CNTNAP2: variants seen among roughly 807,000 people sequenced by gnomAD.
The protein encoded by CNTNAP2 is contactin-associated protein-like 2.
Under a neutral mutation model 155.2 loss-of-function variants are expected in CNTNAP2, and 98 were observed. The observed-to-expected ratio is 0.63, with a 90% confidence interval of 0.54 to 0.75. The LOEUF is 0.75. CNTNAP2 is among the 30% of genes least tolerant of loss of function. CNTNAP2 has a pLI of 0.00. For synonymous variants in CNTNAP2, 651 were observed against 631.2 expected (o/e 1.03, Z -0.47); for missense variants, 1,727 against 1,688.1 (o/e 1.02, Z -0.40).
chr7:147,302,335 A>C (rs1352783104), intron 9 of CNTNAP2, among the ~76,000 whole-genome samples: 2 of 152,208 alleles, frequency 1.3e-5, no homozygotes, highest in Non-Finnish European at 1.5e-5. Context: ...AGGGGCGAGC[A>C]CATAGCTGTA....
chr7:146,428,168 G>T lies in CNTNAP2; in HGVS notation c.97+311195G>T, dbSNP rs1796120434. The stretch of plus-strand genomic sequence containing the variant: ...TGATGGGCATTTAGGTTGATTTCAT[G>T]TCTTTGTTACTATTGTGAATAGTGC... On this transcript the variant is annotated intron_variant, in intron 1 of 23. Coordinates refer to ENST00000361727, the MANE Select transcript of CNTNAP2 (RefSeq NM_014141.6). Among the ~76,000 whole-genome samples the T allele has an allele frequency of 3.3e-5, 5 of 152,058 alleles. No homozygotes were observed. The South Asian group carries it at 1.0e-3, about 31-fold the overall frequency.
At chr7:147,339,023 A>T (rs1296401272) in intron 9 of CNTNAP2, among the ~76,000 whole-genome samples, 2 of 152,152 alleles carry the variant, frequency 1.3e-5, no homozygotes, top group African/African-American at 4.8e-5. Context: ...ATGTATTTTA[A>T]ATGCTGCCTT....
chr7:146,860,229 G>A (rs1459046928), intron 3 of CNTNAP2, among the ~76,000 whole-genome samples: 1 of 152,218 alleles, frequency 6.6e-6, no homozygotes, highest in East Asian at 1.9e-4. Context: ...TGATTATGCA[G>A]TATGTTTTTA....
At chr7:146,996,374 G>GTCTTCT (rs1456846013) in intron 3 of CNTNAP2, among the ~76,000 whole-genome samples, 1 of 151,830 alleles carries the variant, frequency 6.6e-6, no homozygotes, top group African/African-American at 2.4e-5. Flanking sequence ...TTTTATTTGT[G>GTCTTCT]TCTTCTTCAA....
rs865828725 is a variant in CNTNAP2, at chr7:146,843,157, C to T, written c.402+3253C>T. On this transcript the variant is annotated intron_variant, in intron 3 of 23. Coordinates refer to ENST00000361727, the MANE Select transcript of CNTNAP2 (RefSeq NM_014141.6). ...CCTCCCCAGTAGCTGGGACTACAGG[C>T]GCCCGCCACCGCGCCCAGCTAATTT... Among the ~76,000 whole-genome samples the T allele has an allele frequency of 8.2e-5, 11 of 134,168 alleles. 1 individual carries two copies. Among genetic ancestry groups the T allele is most frequent in the East Asian group, 2.1e-4 (1 of 4,668 alleles). 88.0% of individuals were successfully genotyped at this position (134,168 alleles called of 152,430 possible).
At chr7:146,314,055 G>A (rs545886737) in intron 1 of CNTNAP2, among the ~76,000 whole-genome samples, 23 of 152,026 alleles carry the variant, frequency 1.5e-4, no homozygotes, top group Non-Finnish European at 2.2e-4. Flanking sequence ...AGTGATATGG[G>A]GTCTGATTTC....
intron 13 of CNTNAP2, among the ~76,000 whole-genome samples, chr7:147,656,331 G>T (rs1274094384): frequency 1.3e-5 from 2 of 152,168 alleles, no homozygotes; most frequent in Non-Finnish European, 2.9e-5. Context: ...GCTGTTTGGC[G>T]CAAGAGGGTT....
At chr7:147,003,814 G>A (rs1798473386) in intron 3 of CNTNAP2, among the ~76,000 whole-genome samples, 1 of 151,916 alleles carries the variant, frequency 6.6e-6, no homozygotes, top group Non-Finnish European at 1.5e-5. Context: ...GACTGTTTGA[G>A]GCTGGGAGTT....
chr7:147,879,173 CAG>C (rs1468723830), intron 13 of CNTNAP2, among the ~76,000 whole-genome samples: 2 of 152,134 alleles, frequency 1.3e-5, no homozygotes, highest in African/African-American at 4.8e-5. Context: ...AATTGATACA[CAG>C]GGGATTTCCG....
chr7:147,874,054 G>A (rs576237731), intron 13 of CNTNAP2, among the ~76,000 whole-genome samples: 2 of 152,232 alleles, frequency 1.3e-5, no homozygotes, highest in African/African-American at 2.4e-5. Context: ...CTCTGCCTCT[G>A]TGGCTTTGCA....
chr7:146,448,740 T>A (rs549409270), intron 1 of CNTNAP2, among the ~76,000 whole-genome samples: 2 of 152,228 alleles, frequency 1.3e-5, no homozygotes, highest in Admixed American at 1.3e-4. Flanking sequence ...CGATCACACA[T>A]AATCACTGCA....
rs73742606 is a variant in CNTNAP2 at position 146,889,689 on chromosome 7, A to G, written c.402+49785A>G. 9.0e-3 allele frequency among the ~76,000 whole-genome samples: 1,373 copies of G among 152,250 alleles called. 21 individuals carry two copies. The highest frequency in any genetic ancestry group is 0.032 in the African/African-American group (1,332 of 41,544). On this transcript the variant is annotated intron_variant, in intron 3 of 23. Coordinates refer to ENST00000361727, the MANE Select transcript of CNTNAP2 (RefSeq NM_014141.6). Reference sequence around the variant, plus strand: ...TTTACATCTTCTTGTTAAAATTACAATACCTTGTTCTTCATCACTTATTCC... The same window carrying G: ...TTTACATCTTCTTGTTAAAATTACAGTACCTTGTTCTTCATCACTTATTCC...
intron 1 of CNTNAP2, among the ~76,000 whole-genome samples, chr7:146,460,973 A>G (rs1211527841): frequency 6.6e-6 from 1 of 152,200 alleles, no homozygotes; most frequent in East Asian, 1.9e-4. Context: ...ATAGATCCCA[A>G]ATGTTCTCAG....
At chr7:147,091,475 A>G (rs1416065672) in intron 4 of CNTNAP2, among the ~76,000 whole-genome samples, 1 of 152,070 alleles carries the variant, frequency 6.6e-6, no homozygotes, top group Non-Finnish European at 1.5e-5. Context: ...TTTTTGAGAC[A>G]AGAGTCTCGC....
At chr7:147,149,175 G>A (rs1473945992) in intron 8 of CNTNAP2, among the ~76,000 whole-genome samples, 1 of 152,120 alleles carries the variant, frequency 6.6e-6, no homozygotes, top group Non-Finnish European at 1.5e-5. Flanking sequence ...CCATTTTATG[G>A]AGTGCTGATT....
chr7:148,382,594 C>G (rs1799091004), intron 21 of CNTNAP2, among the ~76,000 whole-genome samples: 1 of 152,184 alleles, frequency 6.6e-6, no homozygotes, highest in Non-Finnish European at 1.5e-5. Context: ...TAGAGAGATG[C>G]TGGAGAAGAA....
At chr7:147,176,470 A>G (rs1311489296) in intron 8 of CNTNAP2, among the ~76,000 whole-genome samples, 3 of 151,542 alleles carry the variant, frequency 2.0e-5, no homozygotes, top group Non-Finnish European at 4.4e-5. Context: ...TTTTCTTCTT[A>G]AGTCAAAATA....
At chr7:146,491,238 A>G (rs555950142) in intron 1 of CNTNAP2, among the ~76,000 whole-genome samples, 126 of 152,282 alleles carry the variant, frequency 8.3e-4, no homozygotes, top group Middle Eastern at 6.8e-3. Context: ...GAATTTCATC[A>G]CAGAATGGAA....
chr7:147,244,732 G>T lies in CNTNAP2; in HGVS notation c.1349-55409G>T, dbSNP rs1275338532. Among the ~76,000 whole-genome samples, 7 of 152,160 alleles carry T rather than the reference G, an allele frequency of 4.6e-5. No homozygotes were observed. The East Asian group carries it at 1.3e-3, about 29-fold the overall frequency. On this transcript the variant is annotated intron_variant, in intron 8 of 23. Transcript: ENST00000361727. The stretch of plus-strand genomic sequence containing the variant: ...GTGAGCTAAGACCTGATTGAAGAGA[G>T]GTTGTAATTTTGTGGTGTCAGCATG...
Sources: allele counts gnomAD v4.1 joint callset (sites outside exome capture counted in the v4.1 genomes callset), GRCh38; gene constraint gnomAD v4.1.1; transcripts MANE v1.5; gene names NCBI Gene and HGNC (gene_info 2026-07-23, HGNC 2026-07-21).